CBLB: variants seen among roughly 807,000 people sequenced by gnomAD.
The protein encoded by CBLB is Cbl proto-oncogene B.
Under a neutral mutation model 104.9 loss-of-function variants are expected in CBLB, and 31 were observed. That is an observed-to-expected ratio of 0.30 (90% CI 0.22 to 0.40). The LOEUF (loss-of-function observed/expected upper bound fraction) is 0.40. CBLB is among the 10% of genes least tolerant of loss of function. CBLB has a pLI of 1.00. For missense variants in CBLB, 1,062 were observed against 1,214.6 expected (o/e 0.87, Z 1.87); for synonymous variants, 440 against 422.6 (o/e 1.04, Z -0.51).
At position 105,826,740 on chromosome 3, in the gene CBLB, T is replaced by C. The variant is rs951067594; in HGVS notation, c.419+26674A>G. Among the ~76,000 whole-genome samples, 3 of 152,116 alleles carry C rather than the reference T, an allele frequency of 2.0e-5. No individual in the cohort carries two copies. The South Asian group carries it at 6.2e-4, about 32-fold the overall frequency. On this transcript the variant is annotated intron_variant, in intron 3 of 18. Transcript: ENST00000394030. ...CTTCTGAACATAAACAGAAAAGCAA[T>C]GATACACATGATGCAAATGCACCCA...
chr3:105,783,459 A>G (rs1470058302), intron 3 of CBLB, among the ~76,000 whole-genome samples: 1 of 152,176 alleles, frequency 6.6e-6, no homozygotes, highest in Non-Finnish European at 1.5e-5. Context: ...AAGATCATCA[A>G]TTATCATGAT....
At chr3:105,738,141 C>A (rs906923237) in intron 7 of CBLB, among the ~76,000 whole-genome samples, 7 of 152,156 alleles carry the variant, frequency 4.6e-5, no homozygotes, top group South Asian at 2.1e-4. Flanking sequence ...TCTTTCTATA[C>A]TAAATTTCTT....
intron 17 of CBLB, among the ~76,000 whole-genome samples, chr3:105,675,884 C>CA (rs71111383): frequency 0.047 from 3,840 of 81,814 alleles, 299 homozygotes; most frequent in East Asian, 0.11. Flanking sequence ...GACCCTGTCT[C>CA]AAAAAAAAAA....
intron 4 of CBLB, among the ~76,000 whole-genome samples, chr3:105,766,092 C>G (rs904420134): frequency 5.9e-5 from 9 of 152,072 alleles, no homozygotes; most frequent in African/African-American, 2.2e-4. Context: ...TCATGGATGA[C>G]TCTGAGGATT....
chr3:105,685,155 A>C (rs1223304980), intron 14 of CBLB, among the ~76,000 whole-genome samples, 165 bp downstream of exon 14: 1 of 152,216 alleles, frequency 6.6e-6, no homozygotes, highest in East Asian at 1.9e-4. Context: ...TGCATCTTTT[A>C]GTTTTCTTTA....
chr3:105,823,952 A>AT (rs2086228407), intron 3 of CBLB, among the ~76,000 whole-genome samples: 1 of 152,094 alleles, frequency 6.6e-6, no homozygotes, highest in Non-Finnish European at 1.5e-5. Context: ...ACTGTGTTCT[A>AT]TTTTATTCTT....
At chr3:105,807,658 T>G (rs58848921) in intron 3 of CBLB, among the ~76,000 whole-genome samples, 2,028 of 152,206 alleles carry the variant, frequency 0.013, 50 homozygotes, top group African/African-American at 0.045. Context: ...ATAATGAGAA[T>G]TTATTTTTAA....
chr3:105,850,783 C>A (rs1385216467), intron 3 of CBLB, among the ~76,000 whole-genome samples: 1 of 152,142 alleles, frequency 6.6e-6, no homozygotes, highest in East Asian at 1.9e-4. Context: ...ATGGAAGTTA[C>A]ATCTCCCACC....
At chr3:105,684,606 G>A (rs1048058319) in intron 14 of CBLB, among the ~76,000 whole-genome samples, 3 of 151,388 alleles carry the variant, frequency 2.0e-5, no homozygotes, top group Admixed American at 6.6e-5. Flanking sequence ...AGGCTGGAGT[G>A]CAGTGGCACA....
chr3:105,852,188 T>A lies in CBLB; in HGVS notation c.419+1226A>T, dbSNP rs143107395. Among the ~76,000 whole-genome samples, 420 of 152,248 alleles carry A rather than the reference T, an allele frequency of 2.8e-3. 4 individuals are homozygous for A. The highest frequency in any genetic ancestry group is 9.8e-3 in the African/African-American group (408 of 41,556). On this transcript the variant is annotated intron_variant, in intron 3 of 18. Coordinates refer to ENST00000394030, the MANE Select transcript of CBLB (RefSeq NM_170662.5). ...GGAGGTATTCCTGAAGGCACTATTA[T>A]CACAGATGATAGCTCCATGCATGTT...
At chr3:105,725,619 G>A (rs894452141) in intron 9 of CBLB, among the ~76,000 whole-genome samples, 12 of 151,942 alleles carry the variant, frequency 7.9e-5, no homozygotes, top group East Asian at 1.9e-4. Flanking sequence ...GACAACTCTC[G>A]CAGCTTCTTT....
At position 105,867,154 on chromosome 3, in the gene CBLB, A is replaced by G. The variant is rs148317513; in HGVS notation, c.168+256T>C. The stretch of plus-strand genomic sequence containing the variant: ...GCCATACACCAACAAAAAGCAGCCA[A>G]TGGTAAAACTTTACATACTGAGTCA... On this transcript the variant is annotated intron_variant, in intron 2 of 18. Coordinates refer to ENST00000394030, the MANE Select transcript of CBLB (RefSeq NM_170662.5). Among the ~76,000 whole-genome samples the G allele has an allele frequency of 2.4e-4, 36 of 152,340 alleles. No homozygotes were observed. The East Asian group carries it at 5.4e-3, about 23-fold the overall frequency.
chr3:105,839,611 T>C (rs969093335), intron 3 of CBLB: 1 of 151,862 alleles, frequency 6.6e-6, no homozygotes, highest in African/African-American at 2.4e-5. Flanking sequence ...GCCCAGAGAG[T>C]AAAAGTTTTC....
At chr3:105,777,521 G>A (rs186057144) in intron 3 of CBLB, among the ~76,000 whole-genome samples, 1 of 152,214 alleles carries the variant, frequency 6.6e-6, no homozygotes, top group Non-Finnish European at 1.5e-5. Flanking sequence ...CCAGTTATTA[G>A]GGAGGCTGAT....
intron 13 of CBLB, among the ~76,000 whole-genome samples, chr3:105,690,269 C>T (rs750938807): frequency 4.6e-5 from 7 of 152,042 alleles, no homozygotes; most frequent in Admixed American, 1.3e-4. Context: ...TACCAAGAGT[C>T]TAAGATGGAA....
At chr3:105,731,585 C>A (rs2074318613) in intron 9 of CBLB, among the ~76,000 whole-genome samples, 2 of 152,000 alleles carry the variant, frequency 1.3e-5, no homozygotes, top group South Asian at 4.2e-4. Flanking sequence ...TTTCTACTCA[C>A]CCTGGGCTGC....
At chr3:105,673,306 A>C (rs9860539) in intron 17 of CBLB, 33,522 of 152,084 alleles carry the variant, frequency 0.22, 3,808 homozygotes, top group Admixed American at 0.26. Flanking sequence ...TGAGCTCAAG[A>C]AATATGCCTG....
At chr3:105,776,910 G>C (rs144433714) in intron 3 of CBLB, among the ~76,000 whole-genome samples, 2 of 152,176 alleles carry the variant, frequency 1.3e-5, no homozygotes, top group African/African-American at 2.4e-5. Flanking sequence ...CTACCTGGGG[G>C]AGTAAGGAAA....
chr3:105,775,577 A>G (rs184251419), intron 4 of CBLB, among the ~76,000 whole-genome samples: 11 of 152,320 alleles, frequency 7.2e-5, no homozygotes, highest in African/African-American at 2.6e-4. Flanking sequence ...CCTACATTCT[A>G]GGACATTCTG....
Sources: allele counts gnomAD v4.1 joint callset (sites outside exome capture counted in the v4.1 genomes callset), GRCh38; gene constraint gnomAD v4.1.1; transcripts MANE v1.5; gene names NCBI Gene and HGNC (gene_info 2026-07-23, HGNC 2026-07-21).